USH2A: variants seen among roughly 807,000 people sequenced by gnomAD.
USH2A encodes the protein usherin.
Under a neutral mutation model 538.9 loss-of-function variants are expected in USH2A, and 443 were observed. The ratio of observed to expected loss-of-function variants is 0.82; its 90% CI spans 0.76 to 0.89. The LOEUF (loss-of-function observed/expected upper bound fraction) is 0.89, where lower values mean the gene tolerates loss of function less well. USH2A is among the 40% of genes least tolerant of loss of function. USH2A has a pLI of 0.00. For synonymous variants in USH2A, 2,413 were observed against 2,273.5 expected (o/e 1.06, Z -1.75); for missense variants, 6,633 against 6,324.8 (o/e 1.05, Z -1.65).
intron 21 of USH2A, among the ~76,000 whole-genome samples, chr1:216,143,292 C>T (rs962703475): frequency 6.6e-6 from 1 of 152,146 alleles, no homozygotes; most frequent in Non-Finnish European, 1.5e-5. Flanking sequence ...CAGCATCATA[C>T]TATTGACTTT....
chr1:216,385,860 C>T (rs2038994434), intron 3 of USH2A, among the ~76,000 whole-genome samples: 1 of 152,218 alleles, frequency 6.6e-6, no homozygotes, highest in South Asian at 2.1e-4. Flanking sequence ...TGCCTTTCTA[C>T]ATCCTAGTCC....
Position 216,190,282 on chromosome 1 carries a change from A to G in USH2A, c.4337T>C (p.Leu1446Pro). Residue 1446 changes from leucine (L) to proline (P), a missense_variant, in exon 20 of 72, where the codon CTC becomes CCC. Physicochemically the swap from Leu to Pro is moderately conservative, Grantham distance 98. Transcript: ENST00000307340. Reference sequence around the variant, plus strand: ...GGTCACACAACCAACTGAATTGCAGAGAGTAATAGTAAACTCATATATCCT... The same window carrying G: ...GGTCACACAACCAACTGAATTGCAGGGAGTAATAGTAAACTCATATATCCT... ...PYRIYEFTITLCNSVGCVTSA... is the reference protein window; with the variant it reads ...PYRIYEFTITPCNSVGCVTSA... The G allele has an allele frequency of 6.2e-7, 1 of 1,612,692 alleles. No individual in the cohort carries two copies. The highest frequency in any genetic ancestry group is 8.5e-7 in the Non-Finnish European group (1 of 1,179,142).
intron 40 of USH2A, among the ~76,000 whole-genome samples, chr1:215,895,213 A>T: frequency 6.6e-6 from 1 of 152,180 alleles, no homozygotes; most frequent in Admixed American, 6.5e-5. Context: ...GATTTACTTC[A>T]ATCAAACTCT....
chr1:215,674,389 T>G lies in USH2A; in HGVS notation c.13522A>C (p.Thr4508Pro), dbSNP rs1433623466. 1 of 1,614,122 alleles carries G rather than the reference T, an allele frequency of 6.2e-7. No individual in the cohort carries two copies. The change falls in exon 63 of 72, where the codon ACA becomes CCA. Residue 4508 changes from threonine (T) to proline (P), a missense_variant. Coordinates refer to ENST00000307340, the MANE Select transcript of USH2A (RefSeq NM_206933.4). ...TLTPGVEYSY[T>P]VTASNSQGGI... Reference sequence around the variant, plus strand: ...CCTTGGCTGTTGCTGGCAGTTACTGTGTAGCTATACTCCACACCTGGGGTG... The same window carrying G: ...CCTTGGCTGTTGCTGGCAGTTACTGGGTAGCTATACTCCACACCTGGGGTG...
In USH2A at chr1:216,246,848, C is replaced by G; in HGVS notation, c.2546G>C (p.Cys849Ser). The change falls in exon 13 of 72, where the codon TGT (cysteine) becomes TCT (serine). Residue 849 changes from cysteine (C) to serine (S), a missense_variant. Coordinates refer to ENST00000307340, the MANE Select transcript of USH2A (RefSeq NM_206933.4). ...GCCATTTATTGTCCCAGTCTTATCACAGTTGCAAGGCAGACAGAGGAAAGA... is the reference window on the plus strand; with the variant it reads ...GCCATTTATTGTCCCAGTCTTATCAGAGTTGCAAGGCAGACAGAGGAAAGA... ...NNSFLCLPCN[C>S]DKTGTINGSL... 6.2e-7 allele frequency: 1 copy of G among 1,614,138 alleles called. No individual in the cohort carries two copies. Among genetic ancestry groups the G allele is most frequent in the Non-Finnish European group, 8.5e-7 (1 of 1,179,978 alleles).
At chr1:216,269,519 G>A (rs1390021851) in intron 11 of USH2A, among the ~76,000 whole-genome samples, 1 of 152,110 alleles carries the variant, frequency 6.6e-6, no homozygotes, top group East Asian at 1.9e-4. Context: ...ACTCTCAAAT[G>A]CATGATCATA....
intron 60 of USH2A, among the ~76,000 whole-genome samples, chr1:215,739,530 T>C (rs1171041536): frequency 3.9e-5 from 6 of 152,254 alleles, no homozygotes. Flanking sequence ...GCTTTTCTCA[T>C]GCAATTAGCA....
At chr1:216,200,985 C>CTCCATCCA (rs2034979444) in intron 16 of USH2A, among the ~76,000 whole-genome samples, 1 of 66,150 alleles carries the variant, frequency 1.5e-5, no homozygotes, top group Non-Finnish European at 2.9e-5. Flanking sequence ...CCATCCCTCC[C>CTCCATCCA]TCCCTCCCTC....
intron 43 of USH2A, among the ~76,000 whole-genome samples, chr1:215,867,387 C>G (rs1664503906): frequency 6.6e-6 from 1 of 152,160 alleles, no homozygotes; most frequent in South Asian, 2.1e-4. Context: ...ACCAAAACAT[C>G]AGGGAAATAT....
chr1:215,818,404 C>CT (rs796968808), intron 47 of USH2A, among the ~76,000 whole-genome samples: 2,082 of 146,982 alleles, frequency 0.014, 56 homozygotes, highest in African/African-American at 0.048. Flanking sequence ...TAAATAGATT[C>CT]TTTTTTTTTT....
chr1:216,343,244 CATT>C (rs1281727019), intron 4 of USH2A, among the ~76,000 whole-genome samples: 1 of 151,510 alleles, frequency 6.6e-6, no homozygotes, highest in Non-Finnish European at 1.5e-5. Flanking sequence ...TAATAATCCT[CATT>C]ATTTTCAAAA....
chr1:215,901,732 A>T (rs996150568), intron 38 of USH2A, among the ~76,000 whole-genome samples: 1 of 152,204 alleles, frequency 6.6e-6, no homozygotes, highest in Admixed American at 6.5e-5. Context: ...TACTAAAAAA[A>T]GTTGATAAGA....
intron 26 of USH2A, among the ~76,000 whole-genome samples, chr1:216,081,596 T>G (rs2031943423): frequency 1.3e-5 from 2 of 152,172 alleles, no homozygotes; most frequent in Admixed American, 6.5e-5. Flanking sequence ...TATTGATTTT[T>G]TTTTGTTTTG....
chr1:216,397,867 T>G (rs1003230014), intron 3 of USH2A, among the ~76,000 whole-genome samples: 1 of 152,244 alleles, frequency 6.6e-6, no homozygotes, highest in Non-Finnish European at 1.5e-5. Context: ...GACATTGCCT[T>G]TATAATGATG....
chr1:216,414,513 A>AT (rs972957859), intron 3 of USH2A, among the ~76,000 whole-genome samples: 5 of 151,874 alleles, frequency 3.3e-5, no homozygotes, highest in South Asian at 2.1e-4. Flanking sequence ...ATTTAAAATA[A>AT]TTTTTTTTCT....
At chr1:215,884,406 A>T (rs1416225677) in intron 41 of USH2A, among the ~76,000 whole-genome samples, 1 of 152,142 alleles carries the variant, frequency 6.6e-6, no homozygotes, top group East Asian at 1.9e-4. Flanking sequence ...GTTGCAGTGT[A>T]AAGAAGTAGA....
At chr1:216,357,083 A>G (rs1369315241) in intron 4 of USH2A, among the ~76,000 whole-genome samples, 5 of 152,124 alleles carry the variant, frequency 3.3e-5, no homozygotes, top group Non-Finnish European at 5.9e-5. Flanking sequence ...TTATAGAAAC[A>G]CTTGCCTTCA....
intron 38 of USH2A, among the ~76,000 whole-genome samples, chr1:215,902,427 C>T (rs1012366568): frequency 6.6e-6 from 1 of 152,058 alleles, no homozygotes; most frequent in African/African-American, 2.4e-5. Context: ...TATTAAGGCT[C>T]CACTCTGTGC....
intron 61 of USH2A, among the ~76,000 whole-genome samples, chr1:215,706,989 C>A (rs982595389): frequency 3.3e-5 from 5 of 152,114 alleles, no homozygotes; most frequent in South Asian, 4.1e-4. Flanking sequence ...AAAATAAAAA[C>A]AACTTTGATT....
Sources: gnomAD v4.1 joint callset for allele counts (sites outside exome capture counted in the v4.1 genomes callset) on GRCh38, gnomAD v4.1.1 for gene constraint, MANE v1.5 for transcripts, NCBI Gene and HGNC (gene_info 2026-07-23, HGNC 2026-07-21) for gene names.